Variants in MACROD2 observed in about 807,000 individuals in gnomAD.
MACROD2 encodes the protein mono-ADP ribosylhydrolase 2.
A neutral mutation model predicts 70.4 loss-of-function variants in MACROD2; 36 were observed. The ratio of observed to expected loss-of-function variants is 0.51; its 90% CI spans 0.39 to 0.68. MACROD2 has a LOEUF of 0.68. Ranked by LOEUF, MACROD2 falls within the 30% of genes least tolerant of loss-of-function variation. MACROD2 has a pLI of 0.00. For missense variants in MACROD2, 496 were observed against 538.4 expected (o/e 0.92, Z 0.78); for synonymous variants, 172 against 178.8 (o/e 0.96, Z 0.30).
intron 5 of MACROD2, among the ~76,000 whole-genome samples, chr20:15,083,312 C>A (rs146244701): frequency 6.6e-6 from 1 of 152,170 alleles, no homozygotes; most frequent in Non-Finnish European, 1.5e-5. Context: ...GTAGGCCCAG[C>A]TTAACCAAGC....
At chr20:14,952,659 A>G (rs1394779679) in intron 5 of MACROD2, among the ~76,000 whole-genome samples, 1 of 151,934 alleles carries the variant, frequency 6.6e-6, no homozygotes, top group Non-Finnish European at 1.5e-5. Context: ...GTTGTACAGT[A>G]TTTGTGATAT....
intron 3 of MACROD2, among the ~76,000 whole-genome samples, chr20:14,404,833 G>T (rs2122847895): frequency 6.6e-6 from 1 of 151,824 alleles, no homozygotes; most frequent in African/African-American, 2.4e-5. Context: ...CACTAGAAAT[G>T]AATCCAAATA....
intron 8 of MACROD2, among the ~76,000 whole-genome samples, chr20:15,605,669 GAA>G (rs2146697710): frequency 1.3e-5 from 2 of 152,192 alleles, no homozygotes; most frequent in East Asian, 3.9e-4. Context: ...TACCTATTTG[GAA>G]AAATCTGGTG....
At chr20:15,027,781 A>G (rs977954698) in intron 5 of MACROD2, among the ~76,000 whole-genome samples, 4 of 152,070 alleles carry the variant, frequency 2.6e-5, no homozygotes, top group Non-Finnish European at 5.9e-5. Context: ...TGTGGGTTTC[A>G]GGATAAGAGT....
chr20:14,974,296 C>A (rs940073072), intron 5 of MACROD2, among the ~76,000 whole-genome samples: 1 of 151,982 alleles, frequency 6.6e-6, no homozygotes, highest in African/African-American at 2.4e-5. Flanking sequence ...TTGGAGGGCA[C>A]CGATGTTCAA....
chr20:14,032,604 A>AT lies in MACROD2; in HGVS notation c.163+30207dup, dbSNP rs935344607. Among the ~76,000 whole-genome samples the AT allele has an allele frequency of 9.9e-5, 15 of 152,010 alleles. 1 individual carries two copies. Among genetic ancestry groups the AT allele is most frequent in the Middle Eastern group, 3.4e-3 (1 of 294 alleles). The stretch of plus-strand genomic sequence containing the variant: ...AATTACCTGTTCATAACCTTTGCCC[A>AT]TTTTTTTCTATTGCATTGCCTGTTT... On this transcript the variant is annotated intron_variant, in intron 2 of 17. Transcript: ENST00000684519.
chr20:14,522,316 A>G (rs1411431965), intron 4 of MACROD2, among the ~76,000 whole-genome samples: 1 of 152,084 alleles, frequency 6.6e-6, no homozygotes, highest in East Asian at 1.9e-4. Context: ...CCAACAAAAC[A>G]CCTTTCCCCT....
rs573953671 is a variant in MACROD2 at position 14,825,477 on chromosome 20, G to A, written c.418+140518G>A. On this transcript the variant is annotated intron_variant, in intron 5 of 17. Transcript: ENST00000684519. ...TAATTTCTAATGCTTTCTATTAGGC[G>A]TATCCACATATCAAAGCTTTTACTG... Among the ~76,000 whole-genome samples the A allele has an allele frequency of 1.1e-3, 173 of 152,088 alleles. 1 individual carries two copies. The highest frequency in any genetic ancestry group is 2.2e-3 in the Non-Finnish European group (147 of 67,968).
intron 2 of MACROD2, among the ~76,000 whole-genome samples, chr20:14,034,073 G>A (rs1346334645): frequency 1.3e-5 from 2 of 152,102 alleles, no homozygotes; most frequent in Admixed American, 6.6e-5. Context: ...CAGGGTTCAC[G>A]CCATTCTCCT....
intron 8 of MACROD2, among the ~76,000 whole-genome samples, chr20:15,725,244 T>A (rs2146940970): frequency 6.6e-6 from 1 of 152,344 alleles, no homozygotes; most frequent in Non-Finnish European, 1.5e-5. Flanking sequence ...TCTCTTTAGT[T>A]CTTTTTAAAT....
At chr20:14,406,366 G>A (rs539126623) in intron 3 of MACROD2, among the ~76,000 whole-genome samples, 1 of 152,068 alleles carries the variant, frequency 6.6e-6, no homozygotes, top group Non-Finnish European at 1.5e-5. Flanking sequence ...AAAGGTCCTG[G>A]CTTAGACGTG....
chr20:14,689,589 T>C (rs139367382), intron 5 of MACROD2, among the ~76,000 whole-genome samples: 108 of 152,336 alleles, frequency 7.1e-4, no homozygotes, highest in African/African-American at 2.4e-3. Context: ...TTGCTCACAA[T>C]GGTGTGTCTA....
chr20:15,309,294 A>G (rs935309696), intron 6 of MACROD2, among the ~76,000 whole-genome samples: 1 of 152,214 alleles, frequency 6.6e-6, no homozygotes, highest in Non-Finnish European at 1.5e-5. Flanking sequence ...TACATCTCCA[A>G]GGAAAAGGGG....
In MACROD2 at chr20:15,336,352, A is replaced by G. The variant is rs1050312660; in HGVS notation, c.541-95053A>G. Among the ~76,000 whole-genome samples the G allele has an allele frequency of 6.7e-5, 10 of 149,962 alleles. 1 individual carries two copies. Among genetic ancestry groups the G allele is most frequent in the African/African-American group, 2.5e-4 (10 of 40,014 alleles). ...CTTAACTAAGAGAAAATTACAAACT[A>G]GAATTAATTGTGTGTTTTAACCAAA... On this transcript the variant is annotated intron_variant, in intron 6 of 17. Coordinates refer to ENST00000684519, the MANE Select transcript of MACROD2 (RefSeq NM_001351661.2).
intron 4 of MACROD2, among the ~76,000 whole-genome samples, chr20:14,639,273 T>C (rs1984962334): frequency 6.6e-6 from 1 of 152,158 alleles, no homozygotes; most frequent in African/African-American, 2.4e-5. Flanking sequence ...TTTTAATATA[T>C]AGAGTTTACC....
At chr20:14,551,383 A>G (rs1400015027) in intron 4 of MACROD2, among the ~76,000 whole-genome samples, 1 of 151,914 alleles carries the variant, frequency 6.6e-6, no homozygotes, top group Non-Finnish European at 1.5e-5. Context: ...TTTCACTGCA[A>G]TAGATGAATG....
chr20:14,673,596 T>C (rs967962278), intron 4 of MACROD2, among the ~76,000 whole-genome samples: 1 of 152,106 alleles, frequency 6.6e-6, no homozygotes, highest in African/African-American at 2.4e-5. Context: ...TAATCTATTC[T>C]TGAACTTGTT....
chr20:15,894,528 A>C (rs550587577), intron 10 of MACROD2, among the ~76,000 whole-genome samples: 1 of 152,312 alleles, frequency 6.6e-6, no homozygotes, highest in South Asian at 2.1e-4. Context: ...TGGGTCTGAG[A>C]GAGACACAAG....
intron 5 of MACROD2, among the ~76,000 whole-genome samples, chr20:14,765,401 C>T (rs79451125): frequency 1.2e-3 from 176 of 152,186 alleles, no homozygotes; most frequent in African/African-American, 4.1e-3. Context: ...TACTGACTCT[C>T]CTCGCTGGCA....
Sources: gnomAD v4.1 joint callset for allele counts (sites outside exome capture counted in the v4.1 genomes callset) on GRCh38, gnomAD v4.1.1 for gene constraint, MANE v1.5 for transcripts, NCBI Gene and HGNC (gene_info 2026-07-23, HGNC 2026-07-21) for gene names.